ARVCF: variants seen among roughly 807,000 people sequenced by gnomAD.
The protein encoded by ARVCF is splicing regulator ARVCF.
A neutral mutation model predicts 90.9 loss-of-function variants in ARVCF; 66 were observed. The observed-to-expected ratio is 0.73, with a 90% confidence interval of 0.60 to 0.89. The LOEUF (loss-of-function observed/expected upper bound fraction) is 0.89. Among genes scored for constraint, ARVCF ranks in the 40% least tolerant of loss-of-function variants. The pLI is 0.00. For synonymous variants in ARVCF, 653 were observed against 603.4 expected (o/e 1.08, Z -1.21); for missense variants, 1,469 against 1,382.3 (o/e 1.06, Z -1.00).
chr22:19,995,712 G>C (rs918187207), intron 2 of ARVCF, among the ~76,000 whole-genome samples: 3 of 152,166 alleles, frequency 2.0e-5, no homozygotes, highest in African/African-American at 7.2e-5. Flanking sequence ...CCAGTGAAGG[G>C]TGGCAGGCGG....
At chr22:19,979,185 C>T in intron 6 of ARVCF, 105 bp from the exon 7 acceptor site, 1 of 1,246,560 alleles carries the variant, frequency 8.0e-7, no homozygotes, top group East Asian at 2.4e-5. Flanking sequence ...TGTCCCAGCT[C>T]ATGCAGAACA....
intron 3 of ARVCF, among the ~76,000 whole-genome samples, chr22:19,984,577 T>C (rs1943665335): frequency 6.6e-6 from 1 of 152,104 alleles, no homozygotes; most frequent in African/African-American, 2.4e-5. Context: ...CACACACACA[T>C]GCATATACAT....
rs781155295 is a variant in ARVCF, at chr22:19,972,817, G to T, written c.2561C>A (p.Ala854Asp). 1 of 1,613,584 alleles carries T rather than the reference G, an allele frequency of 6.2e-7. No homozygotes were observed. Among genetic ancestry groups the T allele is most frequent in the South Asian group, 1.1e-5 (1 of 91,062 alleles). Residue 854 changes from alanine to aspartate, a missense_variant, in exon 16 of 20, where the codon GCT becomes GAT. By Grantham distance (126) the Ala-to-Asp change is moderately radical. Coordinates refer to ENST00000263207, the MANE Select transcript of ARVCF (RefSeq NM_001670.3). ...TGCTCCCTTAGGCCCCTTGGCAGTA[G>T]CAGCAGCTGACTGAGACATAAAACA... ...WTKARFQSAA[A>D]TAKGPKGALS... is the part of the protein sequence containing the mutation.
downstream of ARVCF, chr22:19,967,237 C>A (rs1236859889): frequency 6.1e-6 from 8 of 1,301,802 alleles, no homozygotes; most frequent in East Asian, 1.7e-4. Context: ...CTCCTGAGTC[C>A]CCTGGCGCAA....
chr22:19,972,713 G>A (rs770731874), intron 16 of ARVCF, 24 bp downstream of exon 16: 1 of 1,586,474 alleles, frequency 6.3e-7, no homozygotes, highest in South Asian at 1.2e-5. Flanking sequence ...CCACCCTCTA[G>A]GCTCCCTAAG....
At chr22:20,008,299 G>A (rs1944706238) in intron 2 of ARVCF, among the ~76,000 whole-genome samples, 1 of 152,174 alleles carries the variant, frequency 6.6e-6, no homozygotes, top group Admixed American at 6.5e-5. Context: ...GTCTCTGAGA[G>A]GACACCACTG....
At position 20,016,660 on chromosome 22, in the gene ARVCF, C is replaced by G. The variant is rs1177892338; in HGVS notation, c.-144G>C. ...AAGGGCTTCCCCGGGTCCGTTGGCGCGCGGGGAGCGGCGTTCCCAGGGCGC... is the reference window on the plus strand; with the variant it reads ...AAGGGCTTCCCCGGGTCCGTTGGCGGGCGGGGAGCGGCGTTCCCAGGGCGC... On this transcript the variant is annotated 5_prime_UTR_variant, in exon 1 of 20. Coordinates refer to ENST00000263207, the MANE Select transcript of ARVCF (RefSeq NM_001670.3). The G allele has an allele frequency of 6.6e-6, 1 of 151,018 alleles. No individual in the cohort carries two copies. The highest frequency in any genetic ancestry group is 1.5e-5 in the Non-Finnish European group (1 of 67,660). 9.4% of individuals were successfully genotyped at this position (151,018 alleles called of 1,614,324 possible).
At chr22:19,977,280 C>T (rs1377012753) in intron 9 of ARVCF, 135 bp downstream of exon 9, 1 of 1,243,842 alleles carries the variant, frequency 8.0e-7, no homozygotes, top group Middle Eastern at 2.4e-4. Context: ...TGACTCCTGG[C>T]TTCCCTGCCT....
chr22:19,971,503 G>T (rs1490643355), intron 18 of ARVCF, among the ~76,000 whole-genome samples, 168 bp from the exon 19 acceptor site: 1 of 152,202 alleles, frequency 6.6e-6, no homozygotes, highest in Non-Finnish European at 1.5e-5. Context: ...GCTCACACGG[G>T]CCCAGGGCGG....
In ARVCF at chr22:19,973,710, C is replaced by A. The variant is rs778178922; in HGVS notation, c.2172G>T (p.Lys724Asn). 4 of 1,609,938 alleles carry A rather than the reference C, an allele frequency of 2.5e-6. No homozygotes were observed. The African/African-American group carries it at 5.3e-5, about 21-fold the overall frequency. ...LVELLQSETD[K>N]VVRAVAIALR... Reference sequence around the variant, plus strand: ...GAGCGATGGCGACGGCGCGCACCACCTTGTCGGTCTCAGACTGCAGCAGTT... The same window carrying A: ...GAGCGATGGCGACGGCGCGCACCACATTGTCGGTCTCAGACTGCAGCAGTT... The change falls in exon 13 of 20, where the codon AAG (lysine) becomes AAT (asparagine). Residue 724 changes from lysine to asparagine, a missense_variant. Physicochemically the swap from Lys to Asn is moderately conservative, Grantham distance 94 (BLOSUM62 0). Transcript: ENST00000263207.
At chr22:19,966,343 A>G (rs1310908515), downstream of ARVCF, among the ~76,000 whole-genome samples, 3 of 151,852 alleles carry the variant, frequency 2.0e-5, no homozygotes, top group Non-Finnish European at 4.4e-5. Context: ...TTGCAATTCA[A>G]AATCAAGGGC....
intron 3 of ARVCF, among the ~76,000 whole-genome samples, chr22:19,982,702 C>T (rs1185164661): frequency 6.6e-6 from 1 of 152,222 alleles, no homozygotes; most frequent in Non-Finnish European, 1.5e-5. Flanking sequence ...CCCAGAACAC[C>T]CCATGCACCT....
chr22:20,011,160 G>A (rs1442254434), intron 1 of ARVCF, among the ~76,000 whole-genome samples: 1 of 152,234 alleles, frequency 6.6e-6, no homozygotes, highest in Admixed American at 6.5e-5. Flanking sequence ...CAGGAGACAA[G>A]GGGGTGCCTG....
At chr22:20,009,906 C>T (rs1158303010) in intron 2 of ARVCF, among the ~76,000 whole-genome samples, 1 of 152,248 alleles carries the variant, frequency 6.6e-6, no homozygotes, top group Non-Finnish European at 1.5e-5. Context: ...CAGCCATTTT[C>T]ATCCTACAAT....
intron 18 of ARVCF, 112 bp downstream of exon 18, chr22:19,971,774 C>A (rs1887745613): frequency 3.4e-6 from 4 of 1,191,666 alleles, no homozygotes; most frequent in Non-Finnish European, 4.9e-6. Flanking sequence ...GCCCCACAAC[C>A]CAGCTGTACC....
At chr22:20,011,203 G>C (rs1944816616) in intron 1 of ARVCF, among the ~76,000 whole-genome samples, 2 of 152,226 alleles carry the variant, frequency 1.3e-5, no homozygotes, top group Admixed American at 6.5e-5. Flanking sequence ...CCTCAGGGGA[G>C]GACCCTGCGG....
At chr22:20,005,412 T>C (rs1944586380) in intron 2 of ARVCF, among the ~76,000 whole-genome samples, 1 of 151,484 alleles carries the variant, frequency 6.6e-6, no homozygotes, top group Non-Finnish European at 1.5e-5. Context: ...ACAGACAAAT[T>C]AAGACCCTTG....
In ARVCF at chr22:19,981,728, T is replaced by C. The variant is rs971128498; in HGVS notation, c.379A>G (p.Thr127Ala). ...GTCCGAGTGGTCACCGTCTTGACAGTCTTGGTGACCTGGTGGATGGATAGG... is the reference window on the plus strand; with the variant it reads ...GTCCGAGTGGTCACCGTCTTGACAGCCTTGGTGACCTGGTGGATGGATAGG... ...TRRTETKVTK[T>A]VKTVTTRTVR... The change falls in exon 5 of 20, where the codon ACT (threonine) becomes GCT (alanine). Residue 127 changes from threonine to alanine, a missense_variant. By Grantham distance (58) the Thr-to-Ala change is moderately conservative. Transcript: ENST00000263207. The C allele has an allele frequency of 1.3e-6, 2 of 1,565,922 alleles. No homozygotes were observed. The highest frequency in any genetic ancestry group is 1.4e-5 in the African/African-American group (1 of 73,664).
rs146960902 is a variant in ARVCF, at chr22:19,974,207, G to A, written c.1993C>T (p.Arg665Cys). ...FELLYQPEVV[R>C]LYLSLLTESR... The stretch of plus-strand genomic sequence containing the variant: ...TCCGTGAGGAGGGAGAGGTAGAGAC[G>A]TACCACCTCGGGCTGGTACAGCAGC... Residue 665 changes from arginine (R) to cysteine (C), a missense_variant, in exon 12 of 20, where the codon CGT (arginine) becomes TGT (cysteine). Arg to Cys is a radical substitution (Grantham distance 180). Coordinates refer to ENST00000263207, the MANE Select transcript of ARVCF (RefSeq NM_001670.3). The A allele has an allele frequency of 2.8e-4, 452 of 1,612,320 alleles. 1 individual carries two copies. The Middle Eastern group carries it at 4.1e-3, about 15-fold the overall frequency.
Sources: gnomAD v4.1 joint callset for allele counts (sites outside exome capture counted in the v4.1 genomes callset) on GRCh38, gnomAD v4.1.1 for gene constraint, MANE v1.5 for transcripts, NCBI Gene and HGNC (gene_info 2026-07-23, HGNC 2026-07-21) for gene names.